MACF1: variants seen among roughly 807,000 people sequenced by gnomAD.
The protein encoded by MACF1 is microtubule-actin cross-linking factor 1.
Under a neutral mutation model 854.8 loss-of-function variants are expected in MACF1, and 193 were observed. The observed-to-expected ratio is 0.23, with a 90% CI of 0.20 to 0.25. The LOEUF (loss-of-function observed/expected upper bound fraction) is 0.25, where lower values mean the gene tolerates loss of function less well. MACF1 is among the 10% of genes least tolerant of loss of function. The probability of loss-of-function intolerance (pLI) is 1.00; values close to 1 mark genes in which losing one functional copy is unlikely to be tolerated. For synonymous variants in MACF1, 3,185 were observed against 3,226.7 expected, an observed-to-expected ratio of 0.99 and a Z score of 0.44; for missense variants, 7,722 against 8,929.1, an observed-to-expected ratio of 0.86 and a Z score of 5.45.
At chr1:39,392,571 A>AT (rs1425755636) in intron 58 of MACF1, among the ~76,000 whole-genome samples, 2 of 152,156 alleles carry the variant, frequency 1.3e-5, no homozygotes, top group Non-Finnish European at 2.9e-5. Flanking sequence ...AGAGAAGAGG[A>AT]TATGAATCTG....
chr1:39,123,712 GTTTTGTTTTTTT>G (rs1283895939), intron 2 of MACF1, among the ~76,000 whole-genome samples: 6 of 77,486 alleles, frequency 7.7e-5, no homozygotes, highest in African/African-American at 3.0e-4. Context: ...GCTAATTCTT[GTTTTGTTTTTTT>G]TTTTTTTTTT....
upstream of MACF1, among the ~76,000 whole-genome samples, chr1:39,200,702 G>GA (rs968707803): frequency 1.2e-3 from 160 of 130,704 alleles, no homozygotes; most frequent in Middle Eastern, 3.9e-3. Flanking sequence ...CCATCTCAGA[G>GA]AAAAAAAAAA....
At chr1:39,128,540 CAAA>C (rs1196275163) in intron 2 of MACF1, among the ~76,000 whole-genome samples, 8 of 150,984 alleles carry the variant, frequency 5.3e-5, no homozygotes, top group African/African-American at 1.9e-4. Flanking sequence ...ACTAAAAATA[CAAA>C]AAAAAATTAG....
At chr1:39,411,149 G>A in intron 58 of MACF1, 3 of 1,613,746 alleles carry the variant, frequency 1.9e-6, no homozygotes, top group Non-Finnish European at 2.5e-6. Flanking sequence ...CCTTGCCTGA[G>A]TGAAGAGCTG....
At position 39,204,879 on chromosome 1, in the gene MACF1, T is replaced by G; in HGVS notation, c.-144T>G. On this transcript the variant is annotated 5_prime_UTR_variant, in exon 1 of 101. Transcript: ENST00000564288. ...GTCAGAAGTGAGATGGAGGAGAAGC[T>G]GCCAGGAAGTTTCTGACAACACTAA... 1 of 612,248 alleles carries G rather than the reference T, an allele frequency of 1.6e-6. No individual in the cohort carries two copies. Among genetic ancestry groups the G allele is most frequent in the East Asian group, 2.7e-5 (1 of 36,404 alleles). The allele number at this position is 612,248 out of a possible 1,614,324, so 37.9% of individuals were successfully genotyped here. A position where few individuals can be genotyped will look rare whatever the true frequency, so the allele number is the denominator to read the frequency against.
chr1:39,347,862 CAAAA>C (rs902587424), intron 41 of MACF1, among the ~76,000 whole-genome samples: 7 of 151,046 alleles, frequency 4.6e-5, no homozygotes, highest in African/African-American at 1.5e-4. Context: ...AACAAACAAA[CAAAA>C]AACTAACCAT....
chr1:39,291,254 G>A (rs1215358653), intron 15 of MACF1, among the ~76,000 whole-genome samples: 1 of 152,206 alleles, frequency 6.6e-6, no homozygotes, highest in African/African-American at 2.4e-5. Flanking sequence ...TGGGATTACA[G>A]GCGTGAGCCA....
chr1:39,259,457 T>C (rs1334513208), intron 6 of MACF1, among the ~76,000 whole-genome samples: 4 of 152,104 alleles, frequency 2.6e-5, no homozygotes, highest in African/African-American at 9.7e-5. Flanking sequence ...AGATAGAGTT[T>C]CACCATGTTG....
In MACF1 at chr1:39,309,642, T is replaced by G. The variant is rs1266796569; in HGVS notation, c.2862T>G (p.Ser954=). 2 of 1,614,050 alleles carry G rather than the reference T, an allele frequency of 1.2e-6. No homozygotes were observed. The highest frequency in any genetic ancestry group is 1.7e-6 in the Non-Finnish European group (2 of 1,179,990). Reference sequence around the variant, plus strand: ...ATGTTAACACCAAAAGCCTTATCTCTTGGAACTATCTGCGTAAAGACCTTG... The same window carrying G: ...ATGTTAACACCAAAAGCCTTATCTCGTGGAACTATCTGCGTAAAGACCTTG... ...QLHVNTKSLI[S]WNYLRKDLDL... is the part of the protein sequence containing the mutation. The change falls in exon 24 of 101, where the codon TCT becomes TCG. Residue 954 remains serine (S), a synonymous_variant. Coordinates refer to ENST00000564288, the MANE Select transcript of MACF1 (RefSeq NM_001394062.1).
intron 2 of MACF1, among the ~76,000 whole-genome samples, chr1:39,237,090 T>A (rs1239534458): frequency 2.0e-5 from 3 of 152,236 alleles, no homozygotes; most frequent in Non-Finnish European, 4.4e-5. Context: ...AGCACTCTGT[T>A]TTTTGTAGCT....
chr1:39,379,309 A>G lies in MACF1; in HGVS notation c.13383A>G (p.Arg4461=), dbSNP rs1483881868. 16 of 1,613,946 alleles carry G rather than the reference A, an allele frequency of 9.9e-6. No individual in the cohort carries two copies. The highest frequency in any genetic ancestry group is 1.3e-5 in the African/African-American group (1 of 74,894). The part of the protein sequence containing the change: ...RQESLQAILN[R]MEEVHKEANS... ...AAAGCCTTCAGGCTATCCTCAACAG[A>G]ATGGAGGAGGTTCACAAGGAGGCAA... Residue 4461 remains arginine (R), a synonymous_variant, in exon 54 of 101, where the codon AGA becomes AGG. Transcript: ENST00000564288.
At chr1:39,323,724 C>G (rs1043908843) in intron 33 of MACF1, among the ~76,000 whole-genome samples, 19 of 151,998 alleles carry the variant, frequency 1.3e-4, no homozygotes, top group Non-Finnish European at 2.1e-4. Flanking sequence ...TATTCAGCCT[C>G]TCTTATAAAA....
Position 39,360,970 on chromosome 1 carries a change from G to C in MACF1, c.12422G>C (p.Gly4141Ala), listed in dbSNP as rs1480020320. The C allele has an allele frequency of 1.2e-6, 2 of 1,614,102 alleles. No individual in the cohort carries two copies. Among genetic ancestry groups the C allele is most frequent in the South Asian group, 1.1e-5 (1 of 91,074 alleles). ...EGKQVSSLSS[G>A]VIQEALATNM... ...AAGCAGGTGTCATCACTCTCATCAG[G>C]AGTCATCCAGGAAGCCTTAGCCACA... is the stretch of plus-strand genomic sequence containing the variant. Residue 4141 changes from glycine (G) to alanine (A), a missense_variant, in exon 48 of 101, where the codon GGA becomes GCA. By Grantham distance (60) the Gly-to-Ala change is moderately conservative (BLOSUM62 0). This residue lies in a region of MACF1 where 2,807 missense variants were observed against 3,235.8 expected (regional missense o/e 0.87). Transcript: ENST00000564288.
At position 39,428,341 on chromosome 1, in the gene MACF1, G is replaced by C. The variant is rs560915594; in HGVS notation, c.16803+54G>C. ...TGTTATTCTGTTATTTTGTTATTTT[G>C]ATTCATGTTTCTCTTCATTTATTTT... On this transcript the variant is annotated intron_variant, in intron 63 of 100. Transcript: ENST00000564288. The C allele has an allele frequency of 6.9e-6, 10 of 1,447,968 alleles. No homozygotes were observed. In the African/African-American group the frequency reaches 1.1e-4, roughly 17 times the overall value. The allele number at this position is 1,447,968 out of a possible 1,614,324, so 89.7% of individuals were successfully genotyped here.
intron 57 of MACF1, 31 bp from the exon 58 acceptor site, chr1:39,387,156 T>G (rs749789972): frequency 1.2e-6 from 2 of 1,602,902 alleles, no homozygotes; most frequent in African/African-American, 2.7e-5. Flanking sequence ...GTTCAGGCTT[T>G]ATTGATTTCA....
intron 44 of MACF1, among the ~76,000 whole-genome samples, chr1:39,356,856 C>T (rs576828778): frequency 6.6e-6 from 1 of 152,310 alleles, no homozygotes; most frequent in Admixed American, 6.5e-5. Context: ...TATTCACTTA[C>T]TCTTAATATG....
At chr1:39,324,171 G>T in intron 33 of MACF1, 22 bp from the exon 34 acceptor site, 1 of 1,578,298 alleles carries the variant, frequency 6.3e-7, no homozygotes, top group South Asian at 1.2e-5. Flanking sequence ...CTAGCATATT[G>T]ATTTTCTATT....
intron 38 of MACF1, 144 bp downstream of exon 38, chr1:39,337,475 A>ATGGG (rs1425023103): frequency 2.4e-5 from 17 of 701,424 alleles, no homozygotes; most frequent in Non-Finnish European, 3.5e-5. Flanking sequence ...TAATTATGGG[A>ATGGG]TGGGCTACAT....
intron 2 of MACF1, among the ~76,000 whole-genome samples, chr1:39,170,988 A>G (rs1350939344): frequency 1.3e-5 from 2 of 152,148 alleles, no homozygotes; most frequent in African/African-American, 4.8e-5. Context: ...CCTGGTAGCT[A>G]TGTAACTTGT....
Sources: gnomAD v4.1 joint callset for allele counts (sites outside exome capture counted in the v4.1 genomes callset) on GRCh38, gnomAD v4.1.1 for gene constraint, gnomAD v4.1.1 regional missense constraint, MANE v1.5 for transcripts, NCBI Gene and HGNC (gene_info 2026-07-23, HGNC 2026-07-21) for gene names.